Variants in TRERF1 observed in about 807,000 individuals in gnomAD.
TRERF1 encodes the protein transcriptional-regulating factor 1.
A neutral mutation model predicts 122.9 loss-of-function variants in TRERF1; 27 were observed. That is an observed-to-expected ratio of 0.22 (90% CI 0.16 to 0.30). The LOEUF (loss-of-function observed/expected upper bound fraction) is 0.30. Among genes scored for constraint, TRERF1 ranks in the 10% least tolerant of loss-of-function variants. The pLI is 1.00. For synonymous variants in TRERF1, 636 were observed against 641.7 expected (o/e 0.99, Z 0.13); for missense variants, 1,248 against 1,560.3 (o/e 0.80, Z 3.37).
exon 14 of TRERF1, chr6:42,246,516 T>C (rs62416670): frequency 3.7e-6 from 6 of 1,605,934 alleles, no homozygotes; most frequent in Non-Finnish European, 4.2e-6. Context: ...TAAACAGTTT[T>C]CTTTCTAGGG....
In TRERF1 at chr6:42,354,307, CTTTTT is replaced by C. The variant is rs1232969953; in HGVS notation, c.-371+8685_-371+8689del. 9.3e-5 allele frequency among the ~76,000 whole-genome samples: 14 copies of C among 150,830 alleles called. 1 individual carries two copies. The highest frequency in any genetic ancestry group is 3.4e-4 in the African/African-American group (14 of 41,388). On this transcript the variant is annotated intron_variant, in intron 3 of 17. Transcript: ENST00000372922. The stretch of plus-strand genomic sequence containing the variant: ...TGTTCTAACAAGGTTTAGTACTTTT[CTTTTT>C]AATTTGAGCACTTTGCAGTGTAAAG...
At chr6:42,355,295 T>C (rs1770293428) in intron 3 of TRERF1, among the ~76,000 whole-genome samples, 1 of 152,202 alleles carries the variant, frequency 6.6e-6, no homozygotes, top group African/African-American at 2.4e-5. Flanking sequence ...GAATACACTT[T>C]TGGAATTAAT....
At chr6:42,323,359 C>T (rs1041771863) in intron 3 of TRERF1, among the ~76,000 whole-genome samples, 11 of 151,962 alleles carry the variant, frequency 7.2e-5, no homozygotes, top group African/African-American at 2.2e-4. Context: ...CCACCACGCC[C>T]GGCTAATTTT....
chr6:42,376,429 G>A (rs528379978), intron 2 of TRERF1, among the ~76,000 whole-genome samples: 1 of 152,226 alleles, frequency 6.6e-6, no homozygotes, highest in African/African-American at 2.4e-5. Flanking sequence ...GGAGTAAGAG[G>A]GAGATGCACA....
chr6:42,241,737 C>T (rs1036819517), intron 15 of TRERF1, among the ~76,000 whole-genome samples: 10 of 152,148 alleles, frequency 6.6e-5, no homozygotes, highest in African/African-American at 2.4e-4. Flanking sequence ...GCTGGGATTA[C>T]AGGTTTGAGC....
intron 3 of TRERF1, among the ~76,000 whole-genome samples, chr6:42,321,553 A>G (rs1383636217): frequency 6.6e-6 from 1 of 152,250 alleles, no homozygotes; most frequent in East Asian, 1.9e-4. Flanking sequence ...AGGGTCACAC[A>G]CTTAAATGCC....
chr6:42,241,487 G>A (rs1042938181), intron 15 of TRERF1, among the ~76,000 whole-genome samples: 2 of 151,478 alleles, frequency 1.3e-5, no homozygotes, highest in Non-Finnish European at 2.9e-5. Flanking sequence ...TTCAGATGGA[G>A]TTTTGCTCTC....
rs1444347726 is a variant in TRERF1 at position 42,259,458 on chromosome 6, A to C, written c.2150T>G (p.Val717Gly). 1 of 1,604,716 alleles carries C rather than the reference A, an allele frequency of 6.2e-7. No individual in the cohort carries two copies. Among genetic ancestry groups the C allele is most frequent in the Non-Finnish European group, 8.5e-7 (1 of 1,178,352 alleles). ...GCTGAAGAGCCCCGAGCCCTGGCGC[A>C]CCGGGCTCAGCATGGGTGGGGGCGT... The change falls in exon 9 of 18, where the codon GTG becomes GGG. Residue 717 changes from valine (V) to glycine (G), a missense_variant. This residue lies in a region of TRERF1 where 946 missense variants were observed against 1,073.0 expected (regional missense o/e 0.88). Coordinates refer to ENST00000372922, the Ensembl canonical transcript of TRERF1. This position sits in a 1 kb window ranked among gnomAD's most constrained non-coding sequence, Gnocchi z 4.9.
chr6:42,440,354 T>C (rs975319314), intron 2 of TRERF1, among the ~76,000 whole-genome samples: 1 of 152,134 alleles, frequency 6.6e-6, no homozygotes, highest in Non-Finnish European at 1.5e-5. Flanking sequence ...TGAGTTTGGA[T>C]ACCAGCTCCG....
intron 13 of TRERF1, 51 bp downstream of exon 13, chr6:42,254,800 A>C: frequency 6.5e-7 from 1 of 1,548,010 alleles, no homozygotes; most frequent in Non-Finnish European, 8.9e-7. Context: ...CCGAACATGC[A>C]AGCAGCCCGT....
chr6:42,271,689 T>C (rs766334403), intron 4 of TRERF1, among the ~76,000 whole-genome samples: 4 of 152,268 alleles, frequency 2.6e-5, no homozygotes, highest in Non-Finnish European at 5.9e-5. Flanking sequence ...TTATCCAAAT[T>C]AGTAATACAT....
chr6:42,278,389 CA>C (rs572095272), intron 4 of TRERF1, among the ~76,000 whole-genome samples: 40 of 152,296 alleles, frequency 2.6e-4, no homozygotes, highest in African/African-American at 8.9e-4. Flanking sequence ...GAACAAACTC[CA>C]ACATAGTTAC....
chr6:42,278,866 T>G (rs1484701054), intron 4 of TRERF1, among the ~76,000 whole-genome samples: 3 of 152,150 alleles, frequency 2.0e-5, no homozygotes, highest in Non-Finnish European at 4.4e-5. Flanking sequence ...TGAGAGGTCA[T>G]GAGGGCCCCT....
intron 5 of TRERF1, among the ~76,000 whole-genome samples, chr6:42,266,421 T>A (rs1779204517): frequency 6.6e-6 from 1 of 152,192 alleles, no homozygotes; most frequent in South Asian, 2.1e-4. Context: ...ACTCCTGGGC[T>A]CAAGTGATCC....
chr6:42,265,684 T>A, intron 6 of TRERF1, 67 bp downstream of exon 6: 1 of 1,490,088 alleles, frequency 6.7e-7, no homozygotes, highest in Non-Finnish European at 9.3e-7. Context: ...TAAAAATGAA[T>A]CATGAGAGAC....
chr6:42,420,138 A>G (rs770870798), intron 2 of TRERF1, among the ~76,000 whole-genome samples: 7 of 152,178 alleles, frequency 4.6e-5, no homozygotes, highest in Admixed American at 2.6e-4. Context: ...TATCCATGAG[A>G]TGGGAGGACG....
At chr6:42,280,855 C>T (rs983350231) in intron 4 of TRERF1, among the ~76,000 whole-genome samples, 7 of 152,192 alleles carry the variant, frequency 4.6e-5, no homozygotes, top group African/African-American at 1.7e-4. Context: ...TGGTTCCAAA[C>T]TTGTTCCAAA....
chr6:42,338,064 A>G (rs1464786905), intron 3 of TRERF1, among the ~76,000 whole-genome samples: 2 of 152,190 alleles, frequency 1.3e-5, no homozygotes, highest in African/African-American at 2.4e-5. Flanking sequence ...GTGAAGGTCT[A>G]GGAAGTCCTG....
At chr6:42,327,707 G>C (rs1383889675) in intron 3 of TRERF1, among the ~76,000 whole-genome samples, 1 of 152,160 alleles carries the variant, frequency 6.6e-6, no homozygotes, top group Non-Finnish European at 1.5e-5. Flanking sequence ...TGCTGAGGTT[G>C]TAACTGCTAA....
Sources: gnomAD v4.1 joint callset for allele counts (sites outside exome capture counted in the v4.1 genomes callset) on GRCh38, gnomAD v4.1.1 for gene constraint, gnomAD v4.1.1 regional missense constraint, Gnocchi (gnomAD v3.1) non-coding constraint, MANE v1.5 for transcripts, NCBI Gene and HGNC (gene_info 2026-07-23, HGNC 2026-07-21) for gene names.